Variants in AASS observed in about 807,000 individuals in gnomAD.
AASS encodes aminoadipate-semialdehyde synthase.
In AASS, 86 loss-of-function variants were observed where a neutral mutation model predicts 105.4. The ratio of observed to expected loss-of-function variants is 0.82; its 90% CI spans 0.69 to 0.98. The LOEUF (loss-of-function observed/expected upper bound fraction) is 0.98. Among genes scored for constraint, AASS ranks in the 50% least tolerant of loss-of-function variants. The probability of loss-of-function intolerance (pLI) is 0.00; values close to 1 mark genes in which losing one functional copy is unlikely to be tolerated. For synonymous variants in AASS, 381 were observed against 394.8 expected, an observed-to-expected ratio of 0.96 and a Z score of 0.41; for missense variants, 1,048 against 1,143.2, an observed-to-expected ratio of 0.92 and a Z score of 1.20.
chr7:122,080,493 G>T (rs1793259211), intron 20 of AASS, among the ~76,000 whole-genome samples: 1 of 152,060 alleles, frequency 6.6e-6, no homozygotes, highest in Admixed American at 6.6e-5. Context: ...CAAACCAGCT[G>T]CCTCAACCCC....
chr7:122,123,630 T>C (rs1272350210), intron 4 of AASS, among the ~76,000 whole-genome samples: 4 of 152,210 alleles, frequency 2.6e-5, no homozygotes, highest in Non-Finnish European at 5.9e-5. Flanking sequence ...CTTGGTCACA[T>C]CCTTAGAAAG....
Position 122,091,763 on chromosome 7 carries a change from C to A in AASS, c.1956G>T (p.Trp652Cys). The change falls in exon 18 of 24, where the codon TGG (tryptophan) becomes TGT (cysteine). Residue 652 changes from tryptophan (W) to cysteine (C), a missense_variant. Coordinates refer to ENST00000417368, the MANE Select transcript of AASS (RefSeq NM_005763.4). ...CATTCATCAAAACTCCCACTGGACT[C>A]CAGCTAAATTTATATCTCAATGGAT... ...SNNPLRYKFS[W>C]SPVGVLMNVM... The A allele has an allele frequency of 6.2e-7, 1 of 1,613,496 alleles. No homozygotes were observed. Among genetic ancestry groups the A allele is most frequent in the Non-Finnish European group, 8.5e-7 (1 of 1,179,706 alleles).
chr7:122,126,585 A>C, intron 3 of AASS, 126 bp from the exon 4 acceptor site: 1 of 788,534 alleles, frequency 1.3e-6, no homozygotes. Flanking sequence ...TGCTAACAGA[A>C]GCTACCATCA....
chr7:122,140,312 C>G (rs1283527866), intron 1 of AASS, among the ~76,000 whole-genome samples: 3 of 151,324 alleles, frequency 2.0e-5, no homozygotes, highest in Admixed American at 2.0e-4. Context: ...GGTGAAACCC[C>G]GTCTCTACTA....
intron 11 of AASS, among the ~76,000 whole-genome samples, chr7:122,103,182 C>A (rs1268866312): frequency 1.3e-5 from 2 of 151,882 alleles, no homozygotes; most frequent in Non-Finnish European, 2.9e-5. Context: ...CTGTCAAAAA[C>A]CAAAGACAAA....
chr7:122,125,858 A>G (rs1795635163), intron 4 of AASS, among the ~76,000 whole-genome samples: 1 of 152,222 alleles, frequency 6.6e-6, no homozygotes, highest in African/African-American at 2.4e-5. Flanking sequence ...TATTTTTTAC[A>G]TAAGGAATCT....
At position 122,115,118 on chromosome 7, in the gene AASS, C is replaced by T. The variant is rs1302275173; in HGVS notation, c.999G>A (p.Lys333=). 6.2e-7 allele frequency: 1 copy of T among 1,614,034 alleles called. No homozygotes were observed. The highest frequency in any genetic ancestry group is 8.5e-7 in the Non-Finnish European group (1 of 1,180,038). ...QDAQSLLAPG[K]FSPAGVEGCP... ...AGCCTTCCACACCAGCAGGTGAGAA[C>T]TTGCCCGGAGCCAGGAGACTCTGAG... The change falls in exon 9 of 24, where the codon AAG becomes AAA. Residue 333 remains lysine, a synonymous_variant. Coordinates refer to ENST00000417368, the MANE Select transcript of AASS (RefSeq NM_005763.4).
chr7:122,088,446 G>A (rs1378140191), intron 18 of AASS, among the ~76,000 whole-genome samples: 1 of 152,014 alleles, frequency 6.6e-6, no homozygotes, highest in Non-Finnish European at 1.5e-5. Context: ...GTCACCCAAA[G>A]GCAAATCTGA....
chr7:122,094,774 C>T (rs766245514), intron 15 of AASS, among the ~76,000 whole-genome samples: 1 of 151,456 alleles, frequency 6.6e-6, no homozygotes, highest in Non-Finnish European at 1.5e-5. Flanking sequence ...GGATTTTTAG[C>T]CATTCTGATA....
chr7:122,081,448 C>T, intron 20 of AASS, 52 bp downstream of exon 20: 1 of 1,389,522 alleles, frequency 7.2e-7, no homozygotes, highest in Non-Finnish European at 1.0e-6. Flanking sequence ...CCGACCATTT[C>T]AGAAGGTATT....
chr7:122,126,031 C>A (rs1030474124), intron 4 of AASS, among the ~76,000 whole-genome samples: 1 of 152,040 alleles, frequency 6.6e-6, no homozygotes, highest in Non-Finnish European at 1.5e-5. Flanking sequence ...GCCCCTGGAC[C>A]TTTTTTCCCT....
intron 13 of AASS, among the ~76,000 whole-genome samples, chr7:122,099,929 C>A (rs942608398): frequency 2.0e-5 from 3 of 151,760 alleles, no homozygotes; most frequent in Non-Finnish European, 2.9e-5. Flanking sequence ...TTCTGTCTAA[C>A]AATATTTTCT....
At chr7:122,093,853 C>T (rs1328469141) in intron 15 of AASS, among the ~76,000 whole-genome samples, 1 of 151,730 alleles carries the variant, frequency 6.6e-6, no homozygotes, top group Admixed American at 6.6e-5. Context: ...AAACAAAAAC[C>T]GTGAATTGGA....
At chr7:122,085,449 G>A (rs1179424263) in intron 19 of AASS, among the ~76,000 whole-genome samples, 1 of 151,798 alleles carries the variant, frequency 6.6e-6, no homozygotes, top group Non-Finnish European at 1.5e-5. Flanking sequence ...TTTGCTCTGG[G>A]GAAGCCCCTT....
Position 122,076,274 on chromosome 7 carries a change from A to G in AASS, c.*215T>C, listed in dbSNP as rs982710940. The G allele has an allele frequency of 4.7e-5, 24 of 514,276 alleles. No individual in the cohort carries two copies. Among genetic ancestry groups the G allele is most frequent in the Non-Finnish European group, 7.6e-5 (22 of 289,860 alleles). 31.9% of individuals were successfully genotyped at this position (514,276 alleles called of 1,614,324 possible). A position where few individuals can be genotyped will look rare whatever the true frequency, so the allele number is the denominator to read the frequency against. ...TTTCACATACGTATTTATAAAATAC[A>G]GGGTAGAATTATTAAAGTTCTCTGT... On this transcript the variant is annotated 3_prime_UTR_variant, in exon 24 of 24. Coordinates refer to ENST00000417368, the MANE Select transcript of AASS (RefSeq NM_005763.4).
rs191684248 is a variant in AASS, at chr7:122,108,909, C to T, written c.1278+4209G>A. Reference sequence around the variant, plus strand: ...ATGACGAAATCTTATATATAGAAAACCCTAAAGACTCCATCAAAACACTGT... The same window carrying T: ...ATGACGAAATCTTATATATAGAAAATCCTAAAGACTCCATCAAAACACTGT... On this transcript the variant is annotated intron_variant, in intron 11 of 23. Transcript: ENST00000417368. Among the ~76,000 whole-genome samples the T allele has an allele frequency of 2.2e-3, 331 of 151,966 alleles. 2 individuals carry two copies. Among genetic ancestry groups the T allele is most frequent in the African/African-American group, 7.5e-3 (312 of 41,522 alleles).
intron 1 of AASS, among the ~76,000 whole-genome samples, chr7:122,137,818 A>G (rs2150557262): frequency 6.6e-6 from 1 of 152,226 alleles, no homozygotes. Context: ...TTCAATGTAT[A>G]TTTCTGGAAT....
At position 122,098,831 on chromosome 7, in the gene AASS, C is replaced by G. The variant is rs150705512; in HGVS notation, c.1442G>C (p.Arg481Thr). 6.3e-7 allele frequency: 1 copy of G among 1,579,562 alleles called. No homozygotes were observed. Among genetic ancestry groups the G allele is most frequent in the Non-Finnish European group, 8.6e-7 (1 of 1,161,056 alleles). The change falls in exon 14 of 24, where the codon AGA becomes ACA. Residue 481 changes from arginine to threonine, a missense_variant. Coordinates refer to ENST00000417368, the MANE Select transcript of AASS (RefSeq NM_005763.4). ...RAQSLSMGTRRKVLVLGSGYI... is the reference protein window; with the variant it reads ...RAQSLSMGTRTKVLVLGSGYI... ...GCCAGATCCAAGAACCAAAACCTTT[C>G]TCCTGGTGCCCATTGAAAGTGACTG...
chr7:122,082,423 T>C (rs1793391230), intron 19 of AASS, among the ~76,000 whole-genome samples: 1 of 152,176 alleles, frequency 6.6e-6, no homozygotes, highest in African/African-American at 2.4e-5. Context: ...TCAGACCCAG[T>C]TTAGCACCTC....
Sources: gnomAD v4.1 joint callset for allele counts (sites outside exome capture counted in the v4.1 genomes callset) on GRCh38, gnomAD v4.1.1 for gene constraint, MANE v1.5 for transcripts, NCBI Gene and HGNC (gene_info 2026-07-23, HGNC 2026-07-21) for gene names.